The following TBL1X variants were observed in gnomAD, a reference collection of about 807,000 sequenced individuals.
TBL1X encodes F-box-like/WD repeat-containing protein TBL1X.
A neutral mutation model predicts 50.7 loss-of-function variants in TBL1X; 10 were observed. The observed-to-expected ratio is 0.20, with a 90% CI of 0.12 to 0.33. The LOEUF (loss-of-function observed/expected upper bound fraction) is 0.33. TBL1X is among the 10% of genes least tolerant of loss of function. TBL1X has a pLI of 1.00. For synonymous variants in TBL1X, 190 were observed against 214.7 expected (o/e 0.88, Z 1.01); for missense variants, 340 against 504.4 (o/e 0.67, Z 3.12).
intron 2 of TBL1X, among the ~76,000 whole-genome samples, chrX:9,587,673 G>A (rs1041596526): frequency 9.0e-6 from 1 of 111,005 alleles, no homozygotes; most frequent in Non-Finnish European, 1.9e-5. Flanking sequence ...TACAATTCAC[G>A]CATTTGCAGT....
Position 9,692,166 on chromosome X carries a change from G to A in TBL1X, c.803G>A (p.Gly268Asp), listed in dbSNP as rs1266186022. Residue 268 changes from glycine (G) to aspartate (D), a missense_variant, in exon 9 of 18, where the codon GGC becomes GAC. This residue lies in a region of TBL1X where 170 missense variants were observed against 272.6 expected (regional missense o/e 0.62). Transcript: ENST00000645353. ...AACCTGAATGAGAATAGCAACGGGGGCTCCACCCAGCTCGTGTTGAGGCAC... is the reference window on the plus strand; with the variant it reads ...AACCTGAATGAGAATAGCAACGGGGACTCCACCCAGCTCGTGTTGAGGCAC... ...IWNLNENSNGGSTQLVLRHCI... is the reference protein window; with the variant it reads ...IWNLNENSNGDSTQLVLRHCI... The A allele has an allele frequency of 1.2e-5, 14 of 1,209,116 alleles. No homozygotes were observed. Among genetic ancestry groups the A allele is most frequent in the Middle Eastern group, 2.3e-4 (1 of 4,366 alleles).
chrX:9,538,183 A>G (rs974815810), intron 2 of TBL1X, among the ~76,000 whole-genome samples: 1 of 111,442 alleles, frequency 9.0e-6, no homozygotes, highest in Non-Finnish European at 1.9e-5. Context: ...TAAAATAGCA[A>G]TTATGGGACT....
At chrX:9,569,892 G>GT (rs1175805521) in intron 2 of TBL1X, among the ~76,000 whole-genome samples, 1 of 112,214 alleles carries the variant, frequency 8.9e-6, no homozygotes, top group Non-Finnish European at 1.9e-5. Context: ...GATGAGTAAA[G>GT]ACCAGCCTGG....
intron 15 of TBL1X, among the ~76,000 whole-genome samples, chrX:9,710,129 A>G (rs1038661277): frequency 6.6e-5 from 6 of 90,309 alleles, no homozygotes; most frequent in African/African-American, 2.4e-4. Context: ...AGGCAGGAGG[A>G]TGGCTTGAGC....
At chrX:9,583,863 C>G (rs2082454654) in intron 2 of TBL1X, among the ~76,000 whole-genome samples, 1 of 111,854 alleles carries the variant, frequency 8.9e-6, no homozygotes, top group Non-Finnish European at 1.9e-5. Flanking sequence ...AGGAATGATT[C>G]CTGTGATACA....
At chrX:9,604,078 C>T (rs1479393771) in intron 2 of TBL1X, among the ~76,000 whole-genome samples, 6 of 111,638 alleles carry the variant, frequency 5.4e-5, no homozygotes, top group Non-Finnish European at 7.5e-5. Context: ...GTGATTTCTG[C>T]GGACTCAGGT....
At chrX:9,496,224 G>A (rs1601714456) in intron 1 of TBL1X, among the ~76,000 whole-genome samples, 1 of 112,026 alleles carries the variant, frequency 8.9e-6, no homozygotes, top group South Asian at 3.7e-4. Context: ...ATGAAAGAGA[G>A]GTGGGGACTG....
intron 2 of TBL1X, among the ~76,000 whole-genome samples, chrX:9,564,760 A>G (rs925488471): frequency 1.8e-5 from 2 of 108,581 alleles, no homozygotes; most frequent in Non-Finnish European, 3.8e-5. Flanking sequence ...TTTAGGAGAA[A>G]GTTTGGTGTT....
intron 1 of TBL1X, among the ~76,000 whole-genome samples, chrX:9,492,885 GTGTGT>G (rs2081953461): frequency 4.1e-5 from 2 of 48,761 alleles, no homozygotes; most frequent in Non-Finnish European, 8.1e-5. Context: ...GTGTGTGTGT[GTGTGT>G]GTGTGTGTAG....
chrX:9,664,025 G>A (rs1224722661), intron 5 of TBL1X, among the ~76,000 whole-genome samples: 3 of 111,581 alleles, frequency 2.7e-5, no homozygotes, highest in Non-Finnish European at 5.6e-5. Context: ...TACACAACCA[G>A]TGAATGCAGT....
intron 2 of TBL1X, among the ~76,000 whole-genome samples, chrX:9,568,441 G>A (rs2082363379): frequency 9.0e-6 from 1 of 110,597 alleles, no homozygotes; most frequent in Admixed American, 9.6e-5. Flanking sequence ...TTGTGTGTCT[G>A]TGTGGCTATA....
chrX:9,674,572 G>GT (rs1274016501), intron 5 of TBL1X, among the ~76,000 whole-genome samples: 3 of 105,113 alleles, frequency 2.9e-5, no homozygotes, highest in African/African-American at 1.1e-4. Context: ...CCTATTTATT[G>GT]TTTTTTAAAG....
chrX:9,527,023 T>A (rs1345269889), intron 2 of TBL1X, among the ~76,000 whole-genome samples: 1 of 111,619 alleles, frequency 9.0e-6, no homozygotes, highest in African/African-American at 3.3e-5. Context: ...GCTTGGAGAT[T>A]GCGTGGGATT....
chrX:9,654,754 G>A (rs1002551746), intron 5 of TBL1X, among the ~76,000 whole-genome samples: 1 of 110,814 alleles, frequency 9.0e-6, no homozygotes, highest in African/African-American at 3.3e-5. Context: ...CTTAGGAATC[G>A]TCGTAGCATC....
At chrX:9,515,944 G>A (rs1416060009) in intron 2 of TBL1X, among the ~76,000 whole-genome samples, 1 of 111,357 alleles carries the variant, frequency 9.0e-6, no homozygotes, top group Non-Finnish European at 1.9e-5. Flanking sequence ...AACTCTGCAG[G>A]TACTAAAAGT....
chrX:9,611,470 T>C (rs957943775), intron 2 of TBL1X, among the ~76,000 whole-genome samples: 2 of 112,194 alleles, frequency 1.8e-5, no homozygotes, highest in African/African-American at 6.5e-5. Flanking sequence ...CATCATTGAT[T>C]AGACGCATGC....
At chrX:9,535,337 G>A (rs918213252) in intron 2 of TBL1X, among the ~76,000 whole-genome samples, 1 of 112,650 alleles carries the variant, frequency 8.9e-6, no homozygotes. Context: ...TCTGTTTATA[G>A]AGGGAAGGAA....
intron 2 of TBL1X, among the ~76,000 whole-genome samples, chrX:9,612,118 T>C (rs1244376141): frequency 4.8e-4 from 54 of 112,420 alleles, no homozygotes; most frequent in Admixed American, 4.8e-3. Context: ...ACACAGAAAA[T>C]CGCTTTTTGT....
intron 2 of TBL1X, among the ~76,000 whole-genome samples, chrX:9,539,024 G>T (rs770423598): frequency 8.9e-6 from 1 of 112,505 alleles, no homozygotes; most frequent in Admixed American, 9.4e-5. Context: ...GTGAGTTAGG[G>T]TTACTCTGAT....
Sources: gnomAD v4.1 joint callset for allele counts (sites outside exome capture counted in the v4.1 genomes callset) on GRCh38, gnomAD v4.1.1 for gene constraint, gnomAD v4.1.1 regional missense constraint, MANE v1.5 for transcripts, NCBI Gene and HGNC (gene_info 2026-07-23, HGNC 2026-07-21) for gene names.